FRMD4A: variants seen among roughly 807,000 people sequenced by gnomAD.
The protein encoded by FRMD4A is FERM domain containing 4A, also known as FERM domain-containing protein 4A.
In FRMD4A, 29 loss-of-function variants were observed where a neutral mutation model predicts 129.1. The ratio of observed to expected loss-of-function variants is 0.22; its 90% CI spans 0.17 to 0.31. The LOEUF is 0.31. FRMD4A is among the 10% of genes least tolerant of loss of function. The pLI is 1.00. For synonymous variants in FRMD4A, 634 were observed against 571.6 expected (o/e 1.11, Z -1.56); for missense variants, 1,272 against 1,375.8 (o/e 0.92, Z 1.19).
intron 3 of FRMD4A, among the ~76,000 whole-genome samples, chr10:13,845,653 C>T (rs1301022716): frequency 6.6e-6 from 1 of 152,080 alleles, no homozygotes; most frequent in Non-Finnish European, 1.5e-5. Flanking sequence ...TAAGAGATGC[C>T]CATGTTGTGC....
intron 13 of FRMD4A, among the ~76,000 whole-genome samples, chr10:13,705,189 G>C (rs529890441): frequency 2.6e-5 from 4 of 152,330 alleles, no homozygotes; most frequent in Admixed American, 2.6e-4. Flanking sequence ...CAAGGACACA[G>C]AAGCTTCGCA....
intron 2 of FRMD4A, among the ~76,000 whole-genome samples, chr10:14,141,538 CGT>C (rs1301765741): frequency 2.0e-5 from 3 of 151,956 alleles, no homozygotes; most frequent in Non-Finnish European, 4.4e-5. Context: ...ACACTGAGCA[CGT>C]ACATCACATT....
At chr10:14,074,988 C>G (rs1282428762) in intron 2 of FRMD4A, among the ~76,000 whole-genome samples, 1 of 152,126 alleles carries the variant, frequency 6.6e-6, no homozygotes, top group East Asian at 1.9e-4. Context: ...AATTAGTTGA[C>G]AGTCTATGTT....
At chr10:13,851,517 T>A (rs1323055516) in intron 3 of FRMD4A, among the ~76,000 whole-genome samples, 1 of 151,992 alleles carries the variant, frequency 6.6e-6, no homozygotes, top group Non-Finnish European at 1.5e-5. Flanking sequence ...GAGCCCCACC[T>A]CCTGTCAGAT....
chr10:13,912,366 G>A (rs986868957), intron 2 of FRMD4A, among the ~76,000 whole-genome samples: 1 of 152,054 alleles, frequency 6.6e-6, no homozygotes, highest in Non-Finnish European at 1.5e-5. Flanking sequence ...CCATGCCTGG[G>A]TATATAACCA....
chr10:14,271,157 A>G (rs1845151027), intron 2 of FRMD4A, among the ~76,000 whole-genome samples: 1 of 152,126 alleles, frequency 6.6e-6, no homozygotes, highest in South Asian at 2.1e-4. Flanking sequence ...CACCAAGGAG[A>G]TGGCCCCCAT....
chr10:14,157,923 A>C (rs974025147), intron 2 of FRMD4A, among the ~76,000 whole-genome samples: 1 of 152,182 alleles, frequency 6.6e-6, no homozygotes, highest in Non-Finnish European at 1.5e-5. Flanking sequence ...TTCTGGGGAC[A>C]ATAGAATTTT....
At chr10:13,811,852 A>G (rs7088455) in intron 3 of FRMD4A, among the ~76,000 whole-genome samples, 135,208 of 150,848 alleles carry the variant, frequency 0.9, 60,817 homozygotes, top group Non-Finnish European at 0.94. Context: ...CACACTCACC[A>G]GATATTAGGA....
At chr10:14,136,539 C>T (rs139938745) in intron 2 of FRMD4A, among the ~76,000 whole-genome samples, 1 of 152,050 alleles carries the variant, frequency 6.6e-6, no homozygotes, top group Non-Finnish European at 1.5e-5. Context: ...AGTGACTATT[C>T]CTCTACCCCC....
At chr10:13,880,250 G>C (rs2094531989) in intron 2 of FRMD4A, among the ~76,000 whole-genome samples, 1 of 152,090 alleles carries the variant, frequency 6.6e-6, no homozygotes, top group African/African-American at 2.4e-5. Context: ...TCCCCTCCCA[G>C]GTAATGGTAG....
intron 5 of FRMD4A, among the ~76,000 whole-genome samples, chr10:13,789,530 T>G (rs1016004527): frequency 2.7e-5 from 4 of 150,796 alleles, no homozygotes; most frequent in African/African-American, 4.9e-5. Context: ...GGCTTCATTC[T>G]GAGCACAAAG....
At chr10:13,863,685 G>A (rs1284109817) in intron 2 of FRMD4A, among the ~76,000 whole-genome samples, 1 of 151,868 alleles carries the variant, frequency 6.6e-6, no homozygotes, top group Non-Finnish European at 1.5e-5. Flanking sequence ...AGGAGTAGAT[G>A]TGCAACGCTT....
chr10:13,954,335 T>A (rs1177911197), intron 2 of FRMD4A, among the ~76,000 whole-genome samples: 1 of 152,144 alleles, frequency 6.6e-6, no homozygotes, highest in African/African-American at 2.4e-5. Context: ...ACAATCATGG[T>A]GGAAGGCAAA....
intron 2 of FRMD4A, among the ~76,000 whole-genome samples, chr10:14,021,879 C>A (rs999042647): frequency 6.6e-6 from 1 of 152,078 alleles, no homozygotes; most frequent in Non-Finnish European, 1.5e-5. Flanking sequence ...ACCAGAACGG[C>A]ATCTGAAATG....
Position 14,220,866 on chromosome 10 carries a change from G to C in FRMD4A, c.45+109192C>G, listed in dbSNP as rs1043301876. Among the ~76,000 whole-genome samples, 10 of 151,752 alleles carry C rather than the reference G, an allele frequency of 6.6e-5. No individual in the cohort carries two copies. In the East Asian group the frequency reaches 7.8e-4, roughly 12 times the overall value. On this transcript the variant is annotated intron_variant, in intron 2 of 24. Transcript: ENST00000357447. ...TACTGGGGGCTCCCAGAGCTCAGAG[G>C]CAGGTGGTATCAGGGACCAGGAACT...
rs572523056 is a variant in FRMD4A at position 14,054,109 on chromosome 10, G to A, written c.46-195197C>T. On this transcript the variant is annotated intron_variant, in intron 2 of 24. Transcript: ENST00000357447. ...GAGCCAAGGAATTTGAGGCTGCAGTGAGCTCTGATCGCACCACTGCACTCC... is the reference window on the plus strand; with the variant it reads ...GAGCCAAGGAATTTGAGGCTGCAGTAAGCTCTGATCGCACCACTGCACTCC... Among the ~76,000 whole-genome samples the A allele has an allele frequency of 1.0e-3, 155 of 152,232 alleles. 1 individual carries two copies. The highest frequency in any genetic ancestry group is 1.7e-3 in the Non-Finnish European group (119 of 68,004).
chr10:13,679,122 T>TA (rs943239239), intron 15 of FRMD4A, among the ~76,000 whole-genome samples: 1 of 151,848 alleles, frequency 6.6e-6, no homozygotes, highest in Admixed American at 6.6e-5. Flanking sequence ...GATCCACTTT[T>TA]AAAAAACACA....
intron 2 of FRMD4A, among the ~76,000 whole-genome samples, chr10:14,286,896 G>A (rs76972555): frequency 0.035 from 5,366 of 152,080 alleles, 153 homozygotes; most frequent in Admixed American, 0.05. Context: ...TAGGAATCTC[G>A]TTGCCCCTGC....
chr10:13,867,618 T>TATGTG (rs1355376168), intron 2 of FRMD4A, among the ~76,000 whole-genome samples: 1 of 14,426 alleles, frequency 6.9e-5, no homozygotes, highest in Non-Finnish European at 1.5e-4. Context: ...TATTATAATG[T>TATGTG]ATATGATATA....
Sources: gnomAD v4.1 joint callset for allele counts (sites outside exome capture counted in the v4.1 genomes callset) on GRCh38, gnomAD v4.1.1 for gene constraint, MANE v1.5 for transcripts, NCBI Gene and HGNC (gene_info 2026-07-23, HGNC 2026-07-21) for gene names.